Variants in DIS3L2 observed in about 807,000 individuals in gnomAD.
DIS3L2 encodes the protein DIS3 like 3'-5' exoribonuclease 2.
Under a neutral mutation model 97.5 loss-of-function variants are expected in DIS3L2, and 34 were observed. That is an observed-to-expected ratio of 0.35 (90% CI 0.27 to 0.46). The LOEUF (loss-of-function observed/expected upper bound fraction) is 0.46. Among genes scored for constraint, DIS3L2 ranks in the 20% least tolerant of loss-of-function variants. DIS3L2 has a pLI of 1.00. For synonymous variants in DIS3L2, 435 were observed against 445.2 expected, an observed-to-expected ratio of 0.98 and a Z score of 0.29; for missense variants, 1,038 against 1,146.0, an observed-to-expected ratio of 0.91 and a Z score of 1.36.
intron 1 of DIS3L2, among the ~76,000 whole-genome samples, chr2:231,980,710 A>AG (rs1220509506): frequency 1.3e-3 from 196 of 150,888 alleles, no homozygotes; most frequent in Non-Finnish European, 1.7e-3. Context: ...GAGAGAGAGA[A>AG]AAAAAAAAGA....
At chr2:232,164,566 G>GT (rs1319156027) in intron 9 of DIS3L2, among the ~76,000 whole-genome samples, 3 of 152,116 alleles carry the variant, frequency 2.0e-5, no homozygotes, top group Admixed American at 1.3e-4. Context: ...CTGGGTGCCT[G>GT]TTACCCACCT....
At chr2:232,140,208 T>C (rs1277677667) in intron 8 of DIS3L2, among the ~76,000 whole-genome samples, 1 of 152,194 alleles carries the variant, frequency 6.6e-6, no homozygotes. Flanking sequence ...TTAAACTCAT[T>C]TGTCCACTCA....
chr2:232,147,416 G>A (rs571579817), intron 8 of DIS3L2, among the ~76,000 whole-genome samples: 84 of 152,194 alleles, frequency 5.5e-4, no homozygotes, highest in African/African-American at 1.8e-3. Context: ...ATGGAGGTCC[G>A]TACTTTCTTC....
Position 232,334,006 on chromosome 2 carries a change from G to C in DIS3L2, c.2158+19G>C, listed in dbSNP as rs1695856057. 1.9e-6 allele frequency: 3 copies of C among 1,601,194 alleles called. No individual in the cohort carries two copies. The highest frequency in any genetic ancestry group is 1.7e-5 in the Admixed American group (1 of 59,490). On this transcript the variant is annotated intron_variant, in intron 17 of 20. Coordinates refer to ENST00000325385, the MANE Select transcript of DIS3L2 (RefSeq NM_152383.5). ...GCGTTAGGTGAGGGGTGCAGTCGGG[G>C]TCAGGGCAGACCTGGGCCAGCTCAG...
chr2:232,025,241 T>A (rs1051499076), intron 4 of DIS3L2, among the ~76,000 whole-genome samples: 12 of 152,278 alleles, frequency 7.9e-5, no homozygotes, highest in East Asian at 7.7e-4. Context: ...AATTTTTTTT[T>A]AAATATTGGA....
At chr2:232,296,009 A>G (rs550384213) in intron 13 of DIS3L2, among the ~76,000 whole-genome samples, 15 of 152,338 alleles carry the variant, frequency 9.8e-5, no homozygotes, top group African/African-American at 3.4e-4. Flanking sequence ...TTATCCCTTC[A>G]GGTTACAATC....
intron 6 of DIS3L2, among the ~76,000 whole-genome samples, chr2:232,094,291 G>A (rs1467955087): frequency 1.3e-5 from 2 of 152,152 alleles, no homozygotes; most frequent in African/African-American, 4.8e-5. Context: ...TGTGTATTCT[G>A]CAGCCAATGG....
At chr2:232,009,523 A>T (rs1325285764) in intron 1 of DIS3L2, among the ~76,000 whole-genome samples, 1 of 152,124 alleles carries the variant, frequency 6.6e-6, no homozygotes, top group African/African-American at 2.4e-5. Flanking sequence ...AGCGTATCTT[A>T]GTGGTCAGCC....
At chr2:232,190,456 A>G (rs914101498) in intron 9 of DIS3L2, among the ~76,000 whole-genome samples, 2 of 152,248 alleles carry the variant, frequency 1.3e-5, no homozygotes, top group African/African-American at 4.8e-5. Context: ...GGTGAAATTC[A>G]GAAGACTGAG....
rs577188813 is a variant in DIS3L2, at chr2:232,188,640, G to A, written c.1125-21686G>A. Among the ~76,000 whole-genome samples the A allele has an allele frequency of 3.9e-5, 6 of 152,302 alleles. No individual in the cohort carries two copies. In the East Asian group the frequency reaches 1.2e-3, roughly 29 times the overall value. ...ATAAAACTTAATAGAAATGAGCATA[G>A]AAGAGTACTTACAGGATGTAGGACT... On this transcript the variant is annotated intron_variant, in intron 9 of 20. Coordinates refer to ENST00000325385, the MANE Select transcript of DIS3L2 (RefSeq NM_152383.5).
At chr2:232,027,645 A>T (rs367644297) in intron 4 of DIS3L2, among the ~76,000 whole-genome samples, 3 of 152,210 alleles carry the variant, frequency 2.0e-5, no homozygotes, top group African/African-American at 7.2e-5. Context: ...TAAAGAGGTG[A>T]AGAACAGTGA....
intron 9 of DIS3L2, among the ~76,000 whole-genome samples, chr2:232,167,867 T>C (rs1365114857): frequency 6.6e-6 from 1 of 152,104 alleles, no homozygotes; most frequent in East Asian, 1.9e-4. Context: ...CTGGCCAACA[T>C]GGTGAAACCC....
At position 232,268,404 on chromosome 2, in the gene DIS3L2, C is replaced by T. The variant is rs571700861; in HGVS notation, c.1659+4964C>T. Among the ~76,000 whole-genome samples the T allele has an allele frequency of 2.0e-5, 3 of 152,264 alleles. No homozygotes were observed. The highest frequency in any genetic ancestry group is 2.0e-4 in the Admixed American group (3 of 15,294). On this transcript the variant is annotated intron_variant, in intron 13 of 20. Transcript: ENST00000325385. This position sits in a 1 kb window ranked among gnomAD's most constrained non-coding sequence, Gnocchi z 4.1. ...GCAGTGGAATGCTGTTATGTATGACCTTGACCTGTTCCAGCCTTTAAGGCA... is the reference window on the plus strand; with the variant it reads ...GCAGTGGAATGCTGTTATGTATGACTTTGACCTGTTCCAGCCTTTAAGGCA...
chr2:231,965,415 G>T (rs771613057), intron 1 of DIS3L2, among the ~76,000 whole-genome samples: 10 of 151,552 alleles, frequency 6.6e-5, no homozygotes, highest in Non-Finnish European at 1.2e-4. Context: ...GACATTGAAG[G>T]CCAGAGCAAT....
intron 9 of DIS3L2, among the ~76,000 whole-genome samples, chr2:232,199,695 CTATA>C (rs1691841782): frequency 6.6e-6 from 1 of 151,900 alleles, no homozygotes; most frequent in African/African-American, 2.4e-5. Context: ...ATGTATCTAT[CTATA>C]TATGTATGAA....
rs546323305 is a variant in DIS3L2 at position 232,001,907 on chromosome 2, A to G, written c.-93-12928A>G. Among the ~76,000 whole-genome samples, 7 of 151,780 alleles carry G rather than the reference A, an allele frequency of 4.6e-5. No homozygotes were observed. In the East Asian group the frequency reaches 1.2e-3, roughly 25 times the overall value. On this transcript the variant is annotated intron_variant, in intron 1 of 20. Coordinates refer to ENST00000325385, the MANE Select transcript of DIS3L2 (RefSeq NM_152383.5). ...GCAAATTTTTGTATTTTTAGTAGAC[A>G]ACAGGGTTTCACCATATTGGTCAGG...
chr2:232,229,099 G>C (rs1432323707), intron 10 of DIS3L2, among the ~76,000 whole-genome samples: 1 of 151,868 alleles, frequency 6.6e-6, no homozygotes, highest in African/African-American at 2.4e-5. Flanking sequence ...GCTCGTTGTT[G>C]TTTTAAAACT....
At position 232,181,355 on chromosome 2, in the gene DIS3L2, G is replaced by C. The variant is rs569103218; in HGVS notation, c.1124+17723G>C. Reference sequence around the variant, plus strand: ...CTGTATTTCCTGAATCTGAATGTTGGGCTGCCTTGCTAGATTGGGGAAGTT... The same window carrying C: ...CTGTATTTCCTGAATCTGAATGTTGCGCTGCCTTGCTAGATTGGGGAAGTT... On this transcript the variant is annotated intron_variant, in intron 9 of 20. Transcript: ENST00000325385. Among the ~76,000 whole-genome samples the C allele has an allele frequency of 5.7e-4, 86 of 152,118 alleles. 2 individuals carry two copies. In the South Asian group the frequency reaches 0.017, roughly 30 times the overall value.
intron 13 of DIS3L2, among the ~76,000 whole-genome samples, chr2:232,287,296 G>A (rs1407543192): frequency 6.8e-6 from 1 of 146,442 alleles, no homozygotes; most frequent in Non-Finnish European, 1.5e-5. Flanking sequence ...TATCCAAGGA[G>A]TTTTTTATTA....
Sources: allele counts gnomAD v4.1 joint callset (sites outside exome capture counted in the v4.1 genomes callset), GRCh38; gene constraint gnomAD v4.1.1; non-coding constraint Gnocchi (gnomAD v3.1); transcripts MANE v1.5; gene names NCBI Gene and HGNC (gene_info 2026-07-23, HGNC 2026-07-21).